The following CNTN6 variants were observed in gnomAD, a reference collection of about 807,000 sequenced individuals.
The protein encoded by CNTN6 is contactin-6.
In CNTN6, 137 loss-of-function variants were observed where a neutral mutation model predicts 122.8. The observed-to-expected ratio is 1.12, with a 90% CI of 0.97 to 1.29. The LOEUF is 1.29. CNTN6 is among the 50% of genes most tolerant of loss of function. The pLI is 0.00. For synonymous variants in CNTN6, 570 were observed against 426.0 expected (o/e 1.34, Z -4.16); for missense variants, 1,634 against 1,223.4 (o/e 1.34, Z -5.01).
At chr3:1,299,218 C>T (rs1696790682) in intron 7 of CNTN6, among the ~76,000 whole-genome samples, 1 of 152,104 alleles carries the variant, frequency 6.6e-6, no homozygotes, top group South Asian at 2.1e-4. Context: ...AGGGGCTTTA[C>T]ATCAGTTTTT....
chr3:1,214,778 A>T (rs530123084), intron 2 of CNTN6, among the ~76,000 whole-genome samples: 1 of 152,146 alleles, frequency 6.6e-6, no homozygotes, highest in East Asian at 1.9e-4. Flanking sequence ...TGTGTGTGTG[A>T]TGGGGTCTTG....
At chr3:1,362,229 C>T (rs1707570669) in intron 12 of CNTN6, among the ~76,000 whole-genome samples, 1 of 152,002 alleles carries the variant, frequency 6.6e-6, no homozygotes, top group Admixed American at 6.6e-5. Context: ...AAATATAACA[C>T]TATAAAATCA....
intron 2 of CNTN6, among the ~76,000 whole-genome samples, chr3:1,166,276 A>T (rs1274227521): frequency 6.6e-6 from 1 of 152,174 alleles, no homozygotes; most frequent in Non-Finnish European, 1.5e-5. Context: ...TATAGATCCC[A>T]CATCTAGGAT....
intron 8 of CNTN6, among the ~76,000 whole-genome samples, chr3:1,322,300 A>G (rs893267027): frequency 6.7e-6 from 1 of 148,532 alleles, no homozygotes; most frequent in Non-Finnish European, 1.5e-5. Flanking sequence ...ATATAAAAAG[A>G]AGGCAATTAC....
At chr3:1,397,434 A>G (rs1260014761) in intron 20 of CNTN6, among the ~76,000 whole-genome samples, 1 of 152,108 alleles carries the variant, frequency 6.6e-6, no homozygotes, top group Non-Finnish European at 1.5e-5. Context: ...GTTGCTGTTG[A>G]TGATGATGAT....
chr3:1,141,199 C>CAA (rs2092600713), intron 1 of CNTN6, among the ~76,000 whole-genome samples: 1 of 152,156 alleles, frequency 6.6e-6, no homozygotes. Flanking sequence ...GCTACCTGAA[C>CAA]AAAGTGAATT....
At chr3:1,378,452 T>C (rs952879684) in intron 17 of CNTN6, among the ~76,000 whole-genome samples, 3 of 152,016 alleles carry the variant, frequency 2.0e-5, no homozygotes, top group African/African-American at 7.2e-5. Flanking sequence ...CTAGATGCAA[T>C]TGCCCTGAAA....
intron 2 of CNTN6, among the ~76,000 whole-genome samples, chr3:1,210,440 T>TA (rs1187696463): frequency 9.3e-6 from 1 of 107,380 alleles, no homozygotes; most frequent in Non-Finnish European, 2.0e-5. Flanking sequence ...AAAAAAGGCT[T>TA]AACTCTTTAT....
intron 6 of CNTN6, among the ~76,000 whole-genome samples, chr3:1,296,115 C>A (rs545344733): frequency 5.5e-4 from 83 of 152,182 alleles, no homozygotes; most frequent in African/African-American, 2.0e-3. Context: ...TGTATGTGTG[C>A]ACGTGTGGGT....
intron 2 of CNTN6, among the ~76,000 whole-genome samples, chr3:1,163,411 G>A (rs2093177877): frequency 6.6e-6 from 1 of 152,142 alleles, no homozygotes; most frequent in Non-Finnish European, 1.5e-5. Flanking sequence ...ATGCCCTCAT[G>A]TGCCAGCCTT....
At chr3:1,275,673 G>A (rs1288416523) in intron 4 of CNTN6, among the ~76,000 whole-genome samples, 2 of 152,242 alleles carry the variant, frequency 1.3e-5, no homozygotes, top group African/African-American at 4.8e-5. Flanking sequence ...CCATTTGGGG[G>A]TGATGGGAGA....
intron 20 of CNTN6, among the ~76,000 whole-genome samples, chr3:1,390,334 C>T (rs1693928684): frequency 6.6e-6 from 1 of 151,864 alleles, no homozygotes; most frequent in African/African-American, 2.4e-5. Flanking sequence ...GAAATGAAGG[C>T]AGAAATAAAG....
In CNTN6 at chr3:1,322,707, T is replaced by A. The variant is rs1701032604; in HGVS notation, c.946+873T>A. Among the ~76,000 whole-genome samples, 4 of 151,604 alleles carry A rather than the reference T, an allele frequency of 2.6e-5. No homozygotes were observed. The South Asian group carries it at 6.2e-4, about 24-fold the overall frequency. On this transcript the variant is annotated intron_variant, in intron 8 of 22. Coordinates refer to ENST00000446702, the MANE Select transcript of CNTN6 (RefSeq NM_001289080.2). ...GGATACTGTAATTATCCCATAGGAA[T>A]GTTGATTGAGTGCCCGTGGGGAGAA...
chr3:1,365,564 T>C (rs377392999), intron 12 of CNTN6, among the ~76,000 whole-genome samples: 3 of 152,074 alleles, frequency 2.0e-5, no homozygotes, highest in East Asian at 3.9e-4. Flanking sequence ...TATACTTCCA[T>C]TTCTATGTAC....
chr3:1,135,492 TCTC>T (rs1197509345), intron 1 of CNTN6, among the ~76,000 whole-genome samples: 4 of 152,120 alleles, frequency 2.6e-5, no homozygotes, highest in African/African-American at 9.7e-5. Flanking sequence ...CCCCTTTCCT[TCTC>T]CTAATGGATA....
intron 5 of CNTN6, among the ~76,000 whole-genome samples, chr3:1,290,373 C>T (rs1695128652): frequency 6.6e-6 from 1 of 152,120 alleles, no homozygotes; most frequent in Non-Finnish European, 1.5e-5. Context: ...GAACATTTGT[C>T]TTAGAATGTG....
At chr3:1,325,757 C>T in intron 8 of CNTN6, 58 bp from the exon 9 acceptor site, 1 of 1,574,136 alleles carries the variant, frequency 6.4e-7, no homozygotes, top group South Asian at 1.2e-5. Context: ...TGTAATGTAG[C>T]ATAATGTCTT....
chr3:1,276,776 AC>A (rs1692446341), intron 4 of CNTN6, among the ~76,000 whole-genome samples: 1 of 152,182 alleles, frequency 6.6e-6, no homozygotes, highest in African/African-American at 2.4e-5. Flanking sequence ...AGACCCCAAA[AC>A]AAATGCCTCA....
chr3:1,157,109 A>C (rs554095604), intron 2 of CNTN6, among the ~76,000 whole-genome samples: 1 of 151,992 alleles, frequency 6.6e-6, no homozygotes, highest in South Asian at 2.1e-4. Flanking sequence ...ATAGGCATGC[A>C]ATGCATAATC....
Sources: allele counts gnomAD v4.1 joint callset (sites outside exome capture counted in the v4.1 genomes callset), GRCh38; gene constraint gnomAD v4.1.1; transcripts MANE v1.5; gene names NCBI Gene and HGNC (gene_info 2026-07-23, HGNC 2026-07-21).